IDH3G: variants seen among roughly 807,000 people sequenced by gnomAD.
The protein encoded by IDH3G is isocitrate dehydrogenase (NAD(+)) 3 non-catalytic subunit gamma, also known as isocitrate dehydrogenase [NAD] subunit gamma, mitochondrial.
A neutral mutation model predicts 26.9 loss-of-function variants in IDH3G; 9 were observed. The observed-to-expected ratio is 0.34, with a 90% CI of 0.20 to 0.58. The LOEUF (loss-of-function observed/expected upper bound fraction) is 0.58, where lower values mean the gene tolerates loss of function less well. Among genes scored for constraint, IDH3G ranks in the 20% least tolerant of loss-of-function variants. IDH3G has a pLI of 0.85. For missense variants in IDH3G, 250 were observed against 372.8 expected (o/e 0.67, Z 2.71); for synonymous variants, 181 against 160.0 (o/e 1.13, Z -0.99).
chrX:153,789,582 CAAGCAAGCAAGAAAGCAGGA>C, intron 5 of IDH3G, 110 bp downstream of exon 5: 1 of 478,987 alleles, frequency 2.1e-6, no homozygotes, highest in Non-Finnish European at 3.6e-6. Flanking sequence ...AGCAAAAAAG[CAAGCAAGCAAGAAAGCAGGA>C]AAGCAAGCAA....
intron 1 of IDH3G, chrX:153,793,958 G>T: frequency 4.0e-6 from 1 of 250,569 alleles, no homozygotes; most frequent in Non-Finnish European, 7.2e-6. Flanking sequence ...CCTCAGAAGG[G>T]CTCCTTCAAG....
chrX:153,789,522 C>T (rs1306530379), intron 5 of IDH3G, among the ~76,000 whole-genome samples, 190 bp downstream of exon 5: 2 of 112,560 alleles, frequency 1.8e-5, no homozygotes, highest in Admixed American at 9.4e-5. Flanking sequence ...CTAGCCTGGG[C>T]GACAGAGCGA....
chrX:153,786,188 G>T, intron 12 of IDH3G, 24 bp downstream of exon 12: 1 of 1,208,413 alleles, frequency 8.3e-7, no homozygotes, highest in South Asian at 1.8e-5. Flanking sequence ...GGGGCAGCAG[G>T]GTAGGGTGCG....
intron 8 of IDH3G, 126 bp downstream of exon 8, chrX:153,787,338 G>A (rs2092092739): frequency 1.6e-5 from 15 of 925,687 alleles, no homozygotes; most frequent in Non-Finnish European, 2.3e-5. Context: ...GAGGGCAACA[G>A]GGCACTCGCC....
intron 8 of IDH3G, 123 bp downstream of exon 8, chrX:153,787,341 C>T (rs2092092754): frequency 1.1e-6 from 1 of 941,719 alleles, no homozygotes. Flanking sequence ...GGCAACAGGG[C>T]ACTCGCCTAG....
chrX:153,786,507 T>C (rs2092088629), intron 10 of IDH3G, 58 bp from the exon 11 acceptor site: 1 of 932,249 alleles, frequency 1.1e-6, no homozygotes. Flanking sequence ...GGGCAGTGAC[T>C]CTGCTCCTGT....
At chrX:153,786,178 G>A (rs376831600) in intron 12 of IDH3G, 34 bp downstream of exon 12, 58 of 1,205,484 alleles carry the variant, frequency 4.8e-5, no homozygotes, top group Admixed American at 1.1e-4. Flanking sequence ...GAGACTGGGC[G>A]GGGCAGCAGG....
At position 153,788,987 on chromosome X, in the gene IDH3G, G is replaced by A; in HGVS notation, c.346+725C>T. On this transcript the variant is annotated intron_variant, in intron 5 of 12. Transcript: ENST00000217901. ...ACTGCATCTCTGTGATACCTGGTTTGTGAAGAAAGATGCTGAGGGTCAAAG... is the reference window on the plus strand; with the variant it reads ...ACTGCATCTCTGTGATACCTGGTTTATGAAGAAAGATGCTGAGGGTCAAAG... 5 of 284,196 alleles carry A rather than the reference G, an allele frequency of 1.8e-5. No homozygotes were observed. The Admixed American group carries it at 2.0e-4, about 11-fold the overall frequency. 23.4% of individuals were successfully genotyped at this position (284,196 alleles called of 1,213,427 possible).
chrX:153,793,759 C>T (rs782002178), intron 1 of IDH3G: 1 of 112,307 alleles, frequency 8.9e-6, no homozygotes, highest in East Asian at 2.8e-4. Flanking sequence ...TTCCAGGCGC[C>T]TCGAGGGGAA....
At chrX:153,789,380 C>T (rs1304850567) in intron 5 of IDH3G, among the ~76,000 whole-genome samples, 4 of 112,356 alleles carry the variant, frequency 3.6e-5, no homozygotes, top group East Asian at 2.8e-4. Flanking sequence ...CCACTCTCTA[C>T]TGAAAATACA....
Position 153,790,295 on chromosome X carries a change from G to A in IDH3G, c.136-3C>T, listed in dbSNP as rs782043057. 5.0e-6 allele frequency: 6 copies of A among 1,202,687 alleles called. No individual in the cohort carries two copies. The highest frequency in any genetic ancestry group is 3.5e-5 in the South Asian group (2 of 56,860). ...CCGCCATACTTAGCGGACGGAGGCTGTGGGAGGCAGAGGGTGAAGGTGGGC... is the reference window on the plus strand; with the variant it reads ...CCGCCATACTTAGCGGACGGAGGCTATGGGAGGCAGAGGGTGAAGGTGGGC... On this transcript the variant is annotated splice_region_variant and splice_polypyrimidine_tract_variant and intron_variant, in intron 3 of 12. Transcript: ENST00000217901.
chrX:153,786,565 G>C (rs1236205381), intron 10 of IDH3G, 116 bp from the exon 11 acceptor site: 5 of 649,872 alleles, frequency 7.7e-6, no homozygotes, highest in Non-Finnish European at 1.2e-5. Flanking sequence ...CCCACCAGCG[G>C]GTGCCAGGGG....
Position 153,786,341 on chromosome X carries a change from T to C in IDH3G, c.1019+14A>G. On this transcript the variant is annotated intron_variant, in intron 11 of 12. Transcript: ENST00000217901. ...GGCTGGCCAGGGGCTTGCGGGGCAC[T>C]GGGAGCCACTCACTTGAGGTGGTCC... 8.3e-7 allele frequency: 1 copy of C among 1,205,880 alleles called. No individual in the cohort carries two copies. Among genetic ancestry groups the C allele is most frequent in the South Asian group, 1.8e-5 (1 of 56,551 alleles).
intron 5 of IDH3G, among the ~76,000 whole-genome samples, chrX:153,789,500 C>T (rs782596966): frequency 1.8e-5 from 2 of 112,805 alleles, no homozygotes; most frequent in South Asian, 7.3e-4. Context: ...GCCGAGATCA[C>T]ACCGCTGCAC....
intron 3 of IDH3G, 43 bp from the exon 4 acceptor site, chrX:153,790,335 C>T: frequency 9.2e-7 from 1 of 1,085,923 alleles, no homozygotes; most frequent in Non-Finnish European, 1.3e-6. Flanking sequence ...GGGGATCCCA[C>T]ATGCCCCCAG....
At chrX:153,790,728 A>T (rs1203127234) in intron 2 of IDH3G, 82 bp downstream of exon 2, 1 of 1,101,241 alleles carries the variant, frequency 9.1e-7, no homozygotes, top group African/African-American at 1.8e-5. Flanking sequence ...GTCTCAGAGG[A>T]CAGGACACAG....
chrX:153,790,565 A>G lies in IDH3G; in HGVS notation c.134T>C (p.Ile45Thr), dbSNP rs781929270. The change falls in exon 3 of 13, where the codon ATT becomes ACT. Residue 45 changes from isoleucine to threonine, a missense_variant and splice_region_variant. Physicochemically the swap from Ile to Thr is moderately conservative, Grantham distance 89 (BLOSUM62 -1). This residue lies in a region of IDH3G where 49 missense variants were observed against 41.5 expected (regional missense o/e 1.18). Coordinates refer to ENST00000217901, the MANE Select transcript of IDH3G (RefSeq NM_004135.4). ...TAACAGGCAGAGAAGAATACTCACAATTGTTTGTTCCTAGAAAGGATGAGA... is the reference window on the plus strand; with the variant it reads ...TAACAGGCAGAGAAGAATACTCACAGTTGTTTGTTCCTAGAAAGGATGAGA... ...PSRNIFSEQT[I>T]PPSAKYGGRH... is the part of the protein sequence containing the mutation. 7.4e-6 allele frequency: 9 copies of G among 1,208,976 alleles called. No individual in the cohort carries two copies. Among genetic ancestry groups the G allele is most frequent in the Admixed American group, 2.2e-5 (1 of 46,011 alleles).
rs900825278 is a variant in IDH3G, at chrX:153,785,987, G to A, written c.1081-14C>T. 3.3e-6 allele frequency: 4 copies of A among 1,210,859 alleles called. No homozygotes were observed. The highest frequency in any genetic ancestry group is 1.8e-5 in the South Asian group (1 of 57,018). The stretch of plus-strand genomic sequence containing the variant: ...CGGAGTGTGCATCTGTAGGACACAG[G>A]CAGGCTCGGCACACACCAGGCCCTG... On this transcript the variant is annotated splice_polypyrimidine_tract_variant and intron_variant, in intron 12 of 12. Coordinates refer to ENST00000217901, the MANE Select transcript of IDH3G (RefSeq NM_004135.4).
Position 153,786,254 on chromosome X carries a change from G to C in IDH3G, c.1038C>G (p.Thr346=). 1 of 1,206,384 alleles carries C rather than the reference G, an allele frequency of 8.3e-7. No homozygotes were observed. Among genetic ancestry groups the C allele is most frequent in the Non-Finnish European group, 1.1e-6 (1 of 891,831 alleles). ...LDHLKLHSYA[T]SIRKAVLASM... ...ATGCCAGGACAGCCTTACGGATGGA[G>C]GTGGCATAGGAGTGCAGCCTAGAGG... Residue 346 remains threonine, a synonymous_variant, in exon 12 of 13, where the codon ACC becomes ACG. Transcript: ENST00000217901.
Sources: allele counts gnomAD v4.1 joint callset (sites outside exome capture counted in the v4.1 genomes callset), GRCh38; gene constraint gnomAD v4.1.1; regional missense constraint gnomAD v4.1.1; transcripts MANE v1.5; gene names NCBI Gene and HGNC (gene_info 2026-07-23, HGNC 2026-07-21).